Variants in ADGRF1 observed in about 807,000 individuals in gnomAD.
ADGRF1 encodes adhesion G protein-coupled receptor F1.
ADGRF1 carries 85 observed loss-of-function variants against 87.2 expected under a neutral mutation model. That is an observed-to-expected ratio of 0.97 (90% CI 0.82 to 1.17). ADGRF1 has a LOEUF of 1.17. Ranked by LOEUF, ADGRF1 falls within the 50% of genes most tolerant of loss-of-function variation. The probability of loss-of-function intolerance (pLI) is 0.00; values close to 1 mark genes in which losing one functional copy is unlikely to be tolerated. For missense variants in ADGRF1, 1,169 were observed against 1,077.2 expected, an observed-to-expected ratio of 1.09 and a Z score of -1.19; for synonymous variants, 430 against 408.8, an observed-to-expected ratio of 1.05 and a Z score of -0.63.
rs780487505 is a variant in ADGRF1 at position 47,024,200 on chromosome 6, C to T, written c.295G>A (p.Gly99Arg). ...KATTDCNSLN[G>R]VLQCTCEDSY... ...TCTTCACAGGTACACTGCAGGACTC[C>T]ATTCAGGCTGTTGCAGTCTGCACAA... Residue 99 changes from glycine to arginine, a missense_variant, in exon 5 of 15, where the codon GGA becomes AGA. Transcript: ENST00000371253. 1.1e-5 allele frequency: 17 copies of T among 1,613,542 alleles called. No homozygotes were observed. The highest frequency in any genetic ancestry group is 1.4e-5 in the Non-Finnish European group (16 of 1,179,730).
rs546279050 is a variant in ADGRF1 at position 47,019,972 on chromosome 6, A to G, written c.611+759T>C. ...GTATACATGTTATCTGTGCAAAGAT[A>G]TCTCACCCAAAGCCCCACTTCTGGC... On this transcript the variant is annotated intron_variant, in intron 7 of 14. Coordinates refer to ENST00000371253, the MANE Select transcript of ADGRF1 (RefSeq NM_153840.4). The G allele has an allele frequency of 5.0e-5, 49 of 987,314 alleles. No individual in the cohort carries two copies. In the Middle Eastern group the frequency reaches 1.6e-3, roughly 32 times the overall value. 61.2% of individuals were successfully genotyped at this position (987,314 alleles called of 1,614,324 possible).
In ADGRF1 at chr6:46,998,853, C is replaced by G. The variant is rs1275693994; in HGVS notation, c.*1369G>C. 2.6e-5 allele frequency: 4 copies of G among 152,220 alleles called. No homozygotes were observed. Among genetic ancestry groups the G allele is most frequent in the African/African-American group, 9.6e-5 (4 of 41,462 alleles). 9.4% of individuals were successfully genotyped at this position (152,220 alleles called of 1,614,324 possible). A position where few individuals can be genotyped will look rare whatever the true frequency, so the allele number is the denominator to read the frequency against. ...CTGATCCTCAGTCATTTCCTTTGAA[C>G]CTCTCACTTTCATATTTCATGTGTG... On this transcript the variant is annotated 3_prime_UTR_variant, in exon 15 of 15. Transcript: ENST00000371253.
At position 47,012,126 on chromosome 6, in the gene ADGRF1, T is replaced by C. The variant is rs143060224; in HGVS notation, c.997A>G (p.Ile333Val). Reference protein sequence around the residue: ...VSSFVQNLSVIIRQNPSTTVG... With the variant: ...VSSFVQNLSVVIRQNPSTTVG... ...GTGGTTGATGGGTTTTGCCGAATGA[T>C]GACAGAAAGATTTTGCACGAAGGAT... is the stretch of plus-strand genomic sequence containing the variant. Residue 333 changes from isoleucine (I) to valine (V), a missense_variant, in exon 10 of 15, where the codon ATC becomes GTC. Transcript: ENST00000371253. 19 of 1,614,124 alleles carry C rather than the reference T, an allele frequency of 1.2e-5. No homozygotes were observed. Among genetic ancestry groups the C allele is most frequent in the South Asian group, 6.6e-5 (6 of 91,072 alleles).
At chr6:47,017,352 C>T (rs1288497441) in intron 7 of ADGRF1, 1 of 152,044 alleles carries the variant, frequency 6.6e-6, no homozygotes, top group African/African-American at 2.4e-5. Context: ...CTTTTTAAGA[C>T]CGTAAAGGCT....
At chr6:47,008,654 G>T (rs903591896) in intron 11 of ADGRF1, among the ~76,000 whole-genome samples, 3 of 152,118 alleles carry the variant, frequency 2.0e-5, no homozygotes, top group Admixed American at 6.5e-5. Flanking sequence ...CCAGAGTTCT[G>T]CCTAAGAGAA....
In ADGRF1 at chr6:47,010,097, G is replaced by A. The variant is rs1427342576; in HGVS notation, c.1338C>T (p.Ser446=). 1 of 1,614,130 alleles carries A rather than the reference G, an allele frequency of 6.2e-7. No individual in the cohort carries two copies. The change falls in exon 11 of 15, where the codon AGC becomes AGT. Residue 446 remains serine, a synonymous_variant. Coordinates refer to ENST00000371253, the MANE Select transcript of ADGRF1 (RefSeq NM_153840.4). ...TTTGGGGACACATTTTAATCTGATA[G>A]CTGTAACCCCTTTTGAGTTGGCTTT... ...VNKSQLKRGY[S]YQIKMCPQNT...
At chr6:47,025,828 C>A in intron 4 of ADGRF1, 26 bp downstream of exon 4, 2 of 1,560,080 alleles carry the variant, frequency 1.3e-6, no homozygotes, top group South Asian at 1.2e-5. Context: ...CCCATTTATA[C>A]ATCCAGTCAC....
At chr6:47,030,321 GTCC>G (rs1440570795) in intron 1 of ADGRF1, among the ~76,000 whole-genome samples, 4 of 152,120 alleles carry the variant, frequency 2.6e-5, no homozygotes, top group Admixed American at 2.0e-4. Context: ...CGGATGAATG[GTCC>G]TCTTATGCCC....
At chr6:47,013,635 G>C in intron 9 of ADGRF1, 1 of 985,378 alleles carries the variant, frequency 1.0e-6, no homozygotes, top group Non-Finnish European at 1.2e-6. Context: ...ACCTTCCTAA[G>C]AGAGCATCAT....
chr6:47,006,740 A>C (rs1779543797), intron 12 of ADGRF1, among the ~76,000 whole-genome samples: 1 of 152,106 alleles, frequency 6.6e-6, no homozygotes, highest in South Asian at 2.1e-4. Context: ...TTGCATCCTC[A>C]AAGCTTATCA....
At chr6:47,020,545 G>A in intron 7 of ADGRF1, 186 bp downstream of exon 7, 1 of 1,506,134 alleles carries the variant, frequency 6.6e-7, no homozygotes, top group African/African-American at 1.4e-5. Flanking sequence ...ATTTAAGTGA[G>A]AATCTAGGCT....
At chr6:47,036,928 T>C (rs1295782282) in intron 1 of ADGRF1, among the ~76,000 whole-genome samples, 3 of 152,176 alleles carry the variant, frequency 2.0e-5, no homozygotes, top group Non-Finnish European at 4.4e-5. Flanking sequence ...CCACAATTTG[T>C]GCTCAAACTT....
At chr6:47,039,767 G>A (rs1026372106) in intron 1 of ADGRF1, among the ~76,000 whole-genome samples, 4 of 151,834 alleles carry the variant, frequency 2.6e-5, no homozygotes, top group Non-Finnish European at 5.9e-5. Flanking sequence ...TTTGAGAAGA[G>A]CCCAGCCAAT....
At position 46,998,653 on chromosome 6, in the gene ADGRF1, TATCTGAGAA is replaced by T. The variant is rs1779274719; in HGVS notation, c.*1560_*1568del. 2 of 152,248 alleles carry T rather than the reference TATCTGAGAA, an allele frequency of 1.3e-5. No individual in the cohort carries two copies. Among genetic ancestry groups the T allele is most frequent in the Non-Finnish European group, 2.9e-5 (2 of 68,046 alleles). The allele number at this position is 152,248 out of a possible 1,614,324, so 9.4% of individuals were successfully genotyped here. A position where few individuals can be genotyped will look rare whatever the true frequency, so the allele number is the denominator to read the frequency against. On this transcript the variant is annotated 3_prime_UTR_variant, in exon 15 of 15. Coordinates refer to ENST00000371253, the MANE Select transcript of ADGRF1 (RefSeq NM_153840.4). The stretch of plus-strand genomic sequence containing the variant: ...TCTGAGAAATCTGAGCTATCTGAGC[TATCTGAGAA>T]ATCTTCTCTCACTAAATTTGAGGTC...
At chr6:47,024,334 G>T in intron 4 of ADGRF1, 117 bp from the exon 5 acceptor site, 1 of 784,014 alleles carries the variant, frequency 1.3e-6, no homozygotes. Flanking sequence ...CATCTTCTAT[G>T]AGTTTTGTTT....
At position 47,009,642 on chromosome 6, in the gene ADGRF1, C is replaced by T; in HGVS notation, c.1793G>A (p.Gly598Glu). ...GATGATCAGGCATAAAATGAGACTT[C>T]CAATGGAGATACCCAGTCCCACATA... is the stretch of plus-strand genomic sequence containing the variant. ...ITYVGLGISIGSLILCLIIEA... is the reference protein window; with the variant it reads ...ITYVGLGISIESLILCLIIEA... Residue 598 changes from glycine to glutamate, a missense_variant, in exon 11 of 15, where the codon GGA becomes GAA. Physicochemically the swap from Gly to Glu is moderately conservative, Grantham distance 98. Coordinates refer to ENST00000371253, the MANE Select transcript of ADGRF1 (RefSeq NM_153840.4). The T allele has an allele frequency of 6.2e-7, 1 of 1,614,130 alleles. No individual in the cohort carries two copies. The highest frequency in any genetic ancestry group is 1.1e-5 in the South Asian group (1 of 91,080).
intron 13 of ADGRF1, among the ~76,000 whole-genome samples, chr6:47,005,433 T>C (rs940027667): frequency 5.9e-5 from 9 of 152,188 alleles, no homozygotes; most frequent in Admixed American, 5.2e-4. Context: ...ATTTTATCTG[T>C]CTAGAGAAGG....
At position 47,005,879 on chromosome 6, in the gene ADGRF1, A is replaced by C. The variant is rs765646784; in HGVS notation, c.2533-3T>G. On this transcript the variant is annotated splice_polypyrimidine_tract_variant and splice_region_variant and intron_variant, in intron 12 of 14. Transcript: ENST00000371253. Reference sequence around the variant, plus strand: ...TTGTTGAACAGAAGTTGTCGCAGCTATAAGGGCAACAAAGAAATATTGAGG... The same window carrying C: ...TTGTTGAACAGAAGTTGTCGCAGCTCTAAGGGCAACAAAGAAATATTGAGG... The C allele has an allele frequency of 1.9e-6, 3 of 1,608,914 alleles. No homozygotes were observed. The highest frequency in any genetic ancestry group is 2.5e-6 in the Non-Finnish European group (3 of 1,176,602).
chr6:47,009,244 C>CT lies in ADGRF1; in HGVS notation c.2190dup (p.Asp731ArgfsTer6). On this transcript the variant is annotated frameshift_variant, in exon 11 of 15. Coordinates refer to ENST00000371253, the MANE Select transcript of ADGRF1 (RefSeq NM_153840.4). LOFTEE classifies it high-confidence loss of function. ...TTGGACCAGTTAAGCCAACACACAT[C>CT]TTTCCTTTTGTAGGTATTGCTAGGT... The CT allele has an allele frequency of 6.2e-7, 1 of 1,614,160 alleles. No homozygotes were observed. The highest frequency in any genetic ancestry group is 8.5e-7 in the Non-Finnish European group (1 of 1,180,034).
Sources: allele counts gnomAD v4.1 joint callset (sites outside exome capture counted in the v4.1 genomes callset), GRCh38; gene constraint gnomAD v4.1.1; transcripts MANE v1.5; gene names NCBI Gene and HGNC (gene_info 2026-07-23, HGNC 2026-07-21).